TECPR1: variants seen among roughly 807,000 people sequenced by gnomAD.
TECPR1 encodes the protein tectonin beta-propeller repeat-containing protein 1.
In TECPR1, 122 loss-of-function variants were observed where a neutral mutation model predicts 162.4. That is an observed-to-expected ratio of 0.75 (90% CI 0.65 to 0.87). The LOEUF is 0.87. TECPR1 is among the 40% of genes least tolerant of loss of function. The pLI, the probability that TECPR1 is intolerant of heterozygous loss-of-function variation, is 0.00. For missense variants in TECPR1, 1,432 were observed against 1,618.2 expected (o/e 0.88, Z 1.97); for synonymous variants, 642 against 670.6 (o/e 0.96, Z 0.66).
At chr7:98,221,398 T>C (rs1465448774) in intron 23 of TECPR1, among the ~76,000 whole-genome samples, 1 of 152,184 alleles carries the variant, frequency 6.6e-6, no homozygotes, top group Non-Finnish European at 1.5e-5. Context: ...TACCCTGATG[T>C]GATATTATGC....
rs2116648642 is a variant in TECPR1, at chr7:98,251,478, G to A, written c.-104C>T. ...GTCACTCCCATCCGGTATGCAAACA[G>A]TCGGCAATGCCTACTACAGTAGCTC... is the stretch of plus-strand genomic sequence containing the variant. On this transcript the variant is annotated 5_prime_UTR_variant, in exon 2 of 26. Transcript: ENST00000447648. The A allele has an allele frequency of 6.6e-6, 1 of 152,408 alleles. No individual in the cohort carries two copies. The highest frequency in any genetic ancestry group is 1.9e-4 in the East Asian group (1 of 5,182). The allele number at this position is 152,408 out of a possible 1,614,324, so 9.4% of individuals were successfully genotyped here.
In TECPR1 at chr7:98,241,122, G is replaced by A. The variant is rs200931597; in HGVS notation, c.780C>T (p.Leu260=). The A allele has an allele frequency of 1.5e-4, 235 of 1,612,276 alleles. No individual in the cohort carries two copies. Among genetic ancestry groups the A allele is most frequent in the Non-Finnish European group, 1.9e-4 (225 of 1,179,544 alleles). Residue 260 remains leucine (L), a synonymous_variant, in exon 7 of 26, where the codon CTC becomes CTT. Transcript: ENST00000447648. This position sits in a 1 kb window ranked among gnomAD's most constrained non-coding sequence, Gnocchi z 5.0. ...CCCGGACCAGGGCCTGTCCCTCCCA[G>A]AGTGTGGCCCACAGGAGGTCGTGGG... ...CGPHDLLWAT[L]WEGQALVREG... is the part of the protein sequence containing the mutation.
chr7:98,222,879 C>A, intron 21 of TECPR1, 111 bp downstream of exon 21: 1 of 1,393,916 alleles, frequency 7.2e-7, no homozygotes. Context: ...ACTCGGACCA[C>A]AGGCAGTGTC....
chr7:98,222,920 G>T, intron 21 of TECPR1, 70 bp downstream of exon 21: 1 of 1,571,676 alleles, frequency 6.4e-7, no homozygotes, highest in Non-Finnish European at 8.7e-7. Context: ...CCTGAGCAGG[G>T]TCTGAGCCCT....
intron 9 of TECPR1, among the ~76,000 whole-genome samples, chr7:98,237,183 T>C (rs1798626571): frequency 6.6e-6 from 1 of 151,936 alleles, no homozygotes; most frequent in Non-Finnish European, 1.5e-5. Context: ...GTGGCGGGGC[T>C]GGGGGACGCT....
At chr7:98,228,305 G>T (rs1471943436) in intron 16 of TECPR1, among the ~76,000 whole-genome samples, 189 bp from the exon 17 acceptor site, 1 of 152,132 alleles carries the variant, frequency 6.6e-6, no homozygotes, top group Non-Finnish European at 1.5e-5. Flanking sequence ...TCTCCTCCGG[G>T]ACCGTGATTA....
Position 98,226,372 on chromosome 7 carries a change from C to T in TECPR1, c.2514-1270G>A, listed in dbSNP as rs116727912. The stretch of plus-strand genomic sequence containing the variant: ...ACATCCTTTAAATGGTTCCATAGGA[C>T]GCTGAAAAGGTCACATATGGTTGAG... On this transcript the variant is annotated intron_variant, in intron 17 of 25. Coordinates refer to ENST00000447648, the MANE Select transcript of TECPR1 (RefSeq NM_015395.3). The T allele has an allele frequency of 2.5e-3, 2,162 of 871,416 alleles. 19 individuals are homozygous for T. Among genetic ancestry groups the T allele is most frequent in the African/African-American group, 0.02 (1,100 of 54,982 alleles). The allele number at this position is 871,416 out of a possible 1,614,324, so 54.0% of individuals were successfully genotyped here.
chr7:98,233,349 C>T (rs1430832072), intron 11 of TECPR1, 72 bp downstream of exon 11: 3 of 1,389,372 alleles, frequency 2.2e-6, no homozygotes, highest in Non-Finnish European at 2.8e-6. Context: ...CTGACCCCGG[C>T]CTCCTCCCAC....
chr7:98,242,719 C>T (rs905014386), intron 6 of TECPR1, among the ~76,000 whole-genome samples: 3 of 123,220 alleles, frequency 2.4e-5, no homozygotes, highest in African/African-American at 6.0e-5. Context: ...ACACAGCCAT[C>T]CATCCATGCA....
chr7:98,228,950 A>G (rs1455041080), intron 16 of TECPR1, 89 bp downstream of exon 16: 2 of 1,487,726 alleles, frequency 1.3e-6, no homozygotes, highest in East Asian at 2.4e-5. Context: ...CACTGGGACA[A>G]TGGCCCTGGC....
intron 5 of TECPR1, 126 bp from the exon 6 acceptor site, chr7:98,243,718 A>C: frequency 1.6e-6 from 2 of 1,263,466 alleles, no homozygotes; most frequent in African/African-American, 1.5e-5. Flanking sequence ...GCCTTAATTC[A>C]CAGGGAAGGC....
chr7:98,221,732 G>A lies in TECPR1; in HGVS notation c.3086C>T (p.Pro1029Leu), dbSNP rs1172736194. Reference sequence around the variant, plus strand: ...CTTCAGCCTCTGTCTCGGTGGGGACGGGATGTGGTACCAGCAGTCACCTGC... The same window carrying A: ...CTTCAGCCTCTGTCTCGGTGGGGACAGGATGTGGTACCAGCAGTCACCTGC... ...QPAGDCWYHI[P>L]SPPRQRLKQV... is the part of the protein sequence containing the mutation. The change falls in exon 23 of 26, where the codon CCG becomes CTG. Residue 1029 changes from proline to leucine, a missense_variant. By Grantham distance (98) the Pro-to-Leu change is moderately conservative. Coordinates refer to ENST00000447648, the MANE Select transcript of TECPR1 (RefSeq NM_015395.3). 6.2e-6 allele frequency: 10 copies of A among 1,608,672 alleles called. No individual in the cohort carries two copies. The Admixed American group carries it at 6.7e-5, about 11-fold the overall frequency.
chr7:98,232,011 G>A lies in TECPR1; in HGVS notation c.1819-52C>T. ...ATCACAGGCAGGCCCGGGGTGCCAG[G>A]GGAGGAGGGCGGGGCTGGGGGTGCC... is the stretch of plus-strand genomic sequence containing the variant. On this transcript the variant is annotated intron_variant, in intron 12 of 25. Coordinates refer to ENST00000447648, the MANE Select transcript of TECPR1 (RefSeq NM_015395.3). The surrounding 1 kb of genome is among the most constrained non-coding windows in gnomAD (Gnocchi z 4.6). 6.5e-7 allele frequency: 1 copy of A among 1,548,140 alleles called. No homozygotes were observed. Among genetic ancestry groups the A allele is most frequent in the Non-Finnish European group, 8.7e-7 (1 of 1,149,300 alleles).
chr7:98,241,139 G>T lies in TECPR1; in HGVS notation c.763C>A (p.Leu255Ile), dbSNP rs1227935071. The change falls in exon 7 of 26, where the codon CTC becomes ATC. Residue 255 changes from leucine to isoleucine, a missense_variant. By Grantham distance (5) the Leu-to-Ile change is conservative. Transcript: ENST00000447648. The surrounding 1 kb of genome is among the most constrained non-coding windows in gnomAD (Gnocchi z 5.0). ...CCCTCCCAGAGTGTGGCCCACAGGA[G>T]GTCGTGGGGCCCACAGCTGATCTGA... The part of the protein sequence containing the change: ...VVQISCGPHD[L>I]LWATLWEGQA... The T allele has an allele frequency of 1.2e-6, 2 of 1,612,796 alleles. No individual in the cohort carries two copies. Among genetic ancestry groups the T allele is most frequent in the Non-Finnish European group, 1.7e-6 (2 of 1,179,784 alleles).
rs6465660 is a variant in TECPR1, at chr7:98,216,144, C to T, written c.*1246G>A. On this transcript the variant is annotated 3_prime_UTR_variant, in exon 26 of 26. Coordinates refer to ENST00000447648, the MANE Select transcript of TECPR1 (RefSeq NM_015395.3). ...GAGGTAATAAAAAGCAGCTGAGAGA[C>T]TGCGGGATGGGGTCGGGGCCACTTG... 147,362 of 152,388 alleles carry T rather than the reference C, an allele frequency of 0.97. 71,446 individuals are homozygous for T. The highest frequency in any genetic ancestry group is 1 in the East Asian group (5,170 of 5,170). 9.4% of individuals were successfully genotyped at this position (152,388 alleles called of 1,614,324 possible).
chr7:98,232,960 G>C lies in TECPR1; in HGVS notation c.1685C>G (p.Ser562Trp). The stretch of plus-strand genomic sequence containing the variant: ...GATGGACAGGGACAGCATGTGTACC[G>C]AGGAGGACAGGCCTGTGGGGCAGAG... ...WFTVQAGLSS[S>W]VHMLSLSITP... The change falls in exon 12 of 26, where the codon TCG becomes TGG. Residue 562 changes from serine (S) to tryptophan (W), a missense_variant. Transcript: ENST00000447648. The surrounding 1 kb of genome is among the most constrained non-coding windows in gnomAD (Gnocchi z 4.6). The C allele has an allele frequency of 6.2e-7, 1 of 1,611,190 alleles. No individual in the cohort carries two copies. The highest frequency in any genetic ancestry group is 1.1e-5 in the South Asian group (1 of 90,960).
In TECPR1 at chr7:98,232,509, G is replaced by A. The variant is rs1320077238; in HGVS notation, c.1818+318C>T. On this transcript the variant is annotated intron_variant, in intron 12 of 25. Coordinates refer to ENST00000447648, the MANE Select transcript of TECPR1 (RefSeq NM_015395.3). The surrounding 1 kb of genome is among the most constrained non-coding windows in gnomAD (Gnocchi z 4.6). ...ACACGCTACACCCCTGGGCGCCCGG[G>A]GTTCCCTCCAGCAGGAAGAGGATGA... Among the ~76,000 whole-genome samples the A allele has an allele frequency of 6.6e-6, 1 of 151,950 alleles. No individual in the cohort carries two copies. The highest frequency in any genetic ancestry group is 1.5e-5 in the Non-Finnish European group (1 of 67,986).
At chr7:98,234,199 C>T (rs753647167) in intron 10 of TECPR1, among the ~76,000 whole-genome samples, 4 of 152,228 alleles carry the variant, frequency 2.6e-5, no homozygotes, top group Non-Finnish European at 4.4e-5. Flanking sequence ...GTCATCCAGG[C>T]TGGGGTGCAG....
At chr7:98,227,413 A>G (rs1470363758) in intron 17 of TECPR1, among the ~76,000 whole-genome samples, 2 of 151,538 alleles carry the variant, frequency 1.3e-5, no homozygotes, top group Admixed American at 6.6e-5. Flanking sequence ...AAAGAAAAAG[A>G]AAACAAAAGT....
Sources: gnomAD v4.1 joint callset for allele counts (sites outside exome capture counted in the v4.1 genomes callset) on GRCh38, gnomAD v4.1.1 for gene constraint, Gnocchi (gnomAD v3.1) non-coding constraint, MANE v1.5 for transcripts, NCBI Gene and HGNC (gene_info 2026-07-23, HGNC 2026-07-21) for gene names.